Variants in FGF13 observed in about 807,000 individuals in gnomAD.
FGF13 encodes the protein fibroblast growth factor 13.
In FGF13, 2 loss-of-function variants were observed where a neutral mutation model predicts 19.5. The observed-to-expected ratio is 0.10, with a 90% CI of 0.04 to 0.32. The LOEUF is 0.32. Among genes scored for constraint, FGF13 ranks in the 10% least tolerant of loss-of-function variants. FGF13 has a pLI of 1.00. For missense variants in FGF13, 113 were observed against 192.7 expected, an observed-to-expected ratio of 0.59 and a Z score of 2.45; for synonymous variants, 72 against 76.9, an observed-to-expected ratio of 0.94 and a Z score of 0.33.
intron 3 of FGF13, among the ~76,000 whole-genome samples, chrX:138,765,483 C>A (rs2090496136): frequency 1.8e-5 from 2 of 112,098 alleles, no homozygotes; most frequent in Middle Eastern, 4.2e-3. Context: ...TCCCAGTGCC[C>A]ATTTGTTATG....
intron 3 of FGF13, among the ~76,000 whole-genome samples, chrX:138,827,855 T>A (rs1029399475): frequency 1.8e-5 from 2 of 112,218 alleles, no homozygotes; most frequent in Non-Finnish European, 3.8e-5. Flanking sequence ...GCTTAATCAA[T>A]CCTCAAGACA....
At chrX:138,768,235 A>G (rs1184291735) in intron 3 of FGF13, among the ~76,000 whole-genome samples, 1 of 112,245 alleles carries the variant, frequency 8.9e-6, no homozygotes, top group Non-Finnish European at 1.9e-5. Flanking sequence ...TTTTTGAACT[A>G]AAAATATTCT....
At chrX:138,913,867 A>T (rs2091604948) in intron 1 of FGF13, among the ~76,000 whole-genome samples, 1 of 110,214 alleles carries the variant, frequency 9.1e-6, no homozygotes, top group African/African-American at 3.3e-5. Flanking sequence ...TAATAGAAAC[A>T]ACATGTCTCC....
chrX:139,203,878 G>A (rs2084440469), upstream of FGF13, among the ~76,000 whole-genome samples: 1 of 111,755 alleles, frequency 8.9e-6, no homozygotes, highest in Non-Finnish European at 1.9e-5. Flanking sequence ...GAGGGAAAGT[G>A]GTGCAAACCT....
chrX:138,923,907 C>T (rs928520859), intron 1 of FGF13, among the ~76,000 whole-genome samples: 4 of 112,041 alleles, frequency 3.6e-5, no homozygotes, highest in African/African-American at 9.7e-5. Context: ...CTTACCACCA[C>T]ATCAGGTGCT....
At chrX:139,087,244 C>T (rs1199179616) in intron 1 of FGF13, among the ~76,000 whole-genome samples, 2 of 109,555 alleles carry the variant, frequency 1.8e-5, no homozygotes, top group African/African-American at 6.7e-5. Flanking sequence ...TGCAGTGAGC[C>T]GAGATCGCGC....
intron 1 of FGF13, among the ~76,000 whole-genome samples, chrX:139,017,543 C>G (rs754035340): frequency 1.8e-5 from 2 of 110,638 alleles, no homozygotes; most frequent in Non-Finnish European, 1.9e-5. Flanking sequence ...AGTACTATAA[C>G]TATATTATCT....
chrX:139,168,733 G>A (rs1405329158), intron 1 of FGF13, among the ~76,000 whole-genome samples: 1 of 111,776 alleles, frequency 8.9e-6, no homozygotes, highest in Non-Finnish European at 1.9e-5. Context: ...GCTAAGTGGT[G>A]GGTCCATGAG....
chrX:138,646,334 T>C (rs2089306204), intron 3 of FGF13, among the ~76,000 whole-genome samples: 1 of 111,811 alleles, frequency 8.9e-6, no homozygotes, highest in Non-Finnish European at 1.9e-5. Context: ...ACTAATCCAG[T>C]GCAGGGAAGC....
chrX:138,958,672 G>A (rs908029183), intron 1 of FGF13, among the ~76,000 whole-genome samples: 4 of 111,669 alleles, frequency 3.6e-5, no homozygotes, highest in Non-Finnish European at 7.5e-5. Context: ...TAGTTGGTAG[G>A]CTATTAATTA....
chrX:138,805,817 A>G (rs1222585957), intron 3 of FGF13, among the ~76,000 whole-genome samples: 1 of 111,632 alleles, frequency 9.0e-6, no homozygotes, highest in Non-Finnish European at 1.9e-5. Flanking sequence ...ATCTTGCTTA[A>G]ATGAAACTTT....
chrX:139,055,291 A>C (rs997048918), intron 1 of FGF13, among the ~76,000 whole-genome samples: 8 of 111,803 alleles, frequency 7.2e-5, no homozygotes, highest in Non-Finnish European at 1.5e-4. Context: ...ACTTTTCCCC[A>C]TTCAGTATTA....
chrX:139,041,280 TAA>T (rs2092269036), intron 1 of FGF13, among the ~76,000 whole-genome samples: 1 of 111,376 alleles, frequency 9.0e-6, no homozygotes. Context: ...TAGAGCAATA[TAA>T]TATGTATGCT....
intron 1 of FGF13, among the ~76,000 whole-genome samples, chrX:139,003,170 C>T (rs1030754731): frequency 2.7e-5 from 3 of 110,836 alleles, no homozygotes; most frequent in African/African-American, 9.9e-5. Context: ...CATATGTGTT[C>T]GCAGTTTCTT....
At chrX:138,986,564 A>C (rs1403113353) in intron 1 of FGF13, among the ~76,000 whole-genome samples, 5 of 111,910 alleles carry the variant, frequency 4.5e-5, no homozygotes, top group African/African-American at 6.5e-5. Context: ...AACATTTTAA[A>C]AATTGTTTTA....
chrX:139,071,534 A>G (rs1368263071), intron 1 of FGF13, among the ~76,000 whole-genome samples: 2 of 111,764 alleles, frequency 1.8e-5, no homozygotes, highest in African/African-American at 6.5e-5. Flanking sequence ...TCTTAAAGTA[A>G]TGATTATTGT....
At chrX:138,822,869 CT>C (rs2124069307) in intron 3 of FGF13, among the ~76,000 whole-genome samples, 1 of 112,108 alleles carries the variant, frequency 8.9e-6, no homozygotes, top group East Asian at 2.8e-4. Flanking sequence ...TGAACTCATC[CT>C]TGTCCTCTGG....
intron 1 of FGF13, among the ~76,000 whole-genome samples, chrX:138,872,448 A>C (rs112093571): frequency 0.011 from 1,198 of 111,585 alleles, 4 homozygotes; most frequent in Middle Eastern, 0.019. Flanking sequence ...GGCAGTTTGC[A>C]AAACAACATC....
chrX:138,966,361 G>A (rs1478665043), intron 1 of FGF13, among the ~76,000 whole-genome samples: 1 of 112,233 alleles, frequency 8.9e-6, no homozygotes, highest in Admixed American at 9.4e-5. Flanking sequence ...AAAGCCACAG[G>A]GACAGAGCTG....
Sources: allele counts gnomAD v4.1 joint callset (sites outside exome capture counted in the v4.1 genomes callset), GRCh38; gene constraint gnomAD v4.1.1; transcripts MANE v1.5; gene names NCBI Gene and HGNC (gene_info 2026-07-23, HGNC 2026-07-21).